The following DHX34 variants were observed in gnomAD, a reference collection of about 807,000 sequenced individuals.
The protein encoded by DHX34 is probable ATP-dependent RNA helicase DHX34.
Under a neutral mutation model 111.1 loss-of-function variants are expected in DHX34, and 96 were observed. That is an observed-to-expected ratio of 0.86 (90% CI 0.73 to 1.02). DHX34 has a LOEUF of 1.02. Ranked by LOEUF, DHX34 falls within the 50% of genes least tolerant of loss-of-function variation. DHX34 has a pLI of 0.00. For missense variants in DHX34, 1,560 were observed against 1,579.9 expected, an observed-to-expected ratio of 0.99 and a Z score of 0.21; for synonymous variants, 688 against 670.4, an observed-to-expected ratio of 1.03 and a Z score of -0.41.
intron 9 of DHX34, among the ~76,000 whole-genome samples, chr19:47,374,481 C>T (rs1476117929): frequency 6.6e-6 from 1 of 151,176 alleles, no homozygotes; most frequent in Non-Finnish European, 1.5e-5. Context: ...TGCGCCCACA[C>T]AGTTCTGCAG....
Position 47,353,770 on chromosome 19 carries a change from G to A in DHX34, c.705+35G>A, listed in dbSNP as rs1452038154. 7 of 1,495,546 alleles carry A rather than the reference G, an allele frequency of 4.7e-6. No homozygotes were observed. Among genetic ancestry groups the A allele is most frequent in the South Asian group, 1.3e-5 (1 of 77,040 alleles). 92.6% of individuals were successfully genotyped at this position (1,495,546 alleles called of 1,614,324 possible). A position where few individuals can be genotyped will look rare whatever the true frequency, so the allele number is the denominator to read the frequency against. On this transcript the variant is annotated intron_variant, in intron 2 of 16. Transcript: ENST00000328771. This position sits in a 1 kb window ranked among gnomAD's most constrained non-coding sequence, Gnocchi z 4.6. ...ACGCACCAGGTTTCCGATTTTTCCA[G>A]CGTGACCTTGGGGGAATAGGTTGCT... is the stretch of plus-strand genomic sequence containing the variant.
At chr19:47,358,169 G>T (rs1319859588) in intron 4 of DHX34, 49 bp downstream of exon 4, 1 of 1,577,166 alleles carries the variant, frequency 6.3e-7, no homozygotes. Flanking sequence ...GCATGAGTCA[G>T]GGGTGGCTGC....
At position 47,355,055 on chromosome 19, in the gene DHX34, G is replaced by T; in HGVS notation, c.722G>T (p.Arg241Leu). Residue 241 changes from arginine (R) to leucine (L), a missense_variant, in exon 3 of 17, where the codon CGC becomes CTC. Transcript: ENST00000328771. ...QYGSQVGYQI[R>L]FESTRSAATK... is the part of the protein sequence containing the mutation. ...CCACCCCAGGTCGGCTACCAGATCCGCTTTGAGAGCACACGTTCGGCGGCC... is the reference window on the plus strand; with the variant it reads ...CCACCCCAGGTCGGCTACCAGATCCTCTTTGAGAGCACACGTTCGGCGGCC... 1 of 1,613,278 alleles carries T rather than the reference G, an allele frequency of 6.2e-7. No individual in the cohort carries two copies. Among genetic ancestry groups the T allele is most frequent in the Non-Finnish European group, 8.5e-7 (1 of 1,179,502 alleles).
At chr19:47,376,720 A>G (rs1970174683) in intron 12 of DHX34, 160 bp downstream of exon 12, 4 of 1,421,540 alleles carry the variant, frequency 2.8e-6, no homozygotes, top group Non-Finnish European at 2.8e-6. Flanking sequence ...CTCCCTGGGT[A>G]GCCTTGGGTG....
intron 6 of DHX34, among the ~76,000 whole-genome samples, chr19:47,364,878 C>T (rs575407071): frequency 6.6e-6 from 1 of 152,312 alleles, no homozygotes; most frequent in South Asian, 2.1e-4. Context: ...GGCCACCAGG[C>T]GTCAGAGCCT....
intron 11 of DHX34, 44 bp from the exon 12 acceptor site, chr19:47,376,399 G>A (rs1320437283): frequency 6.3e-7 from 1 of 1,586,134 alleles, no homozygotes; most frequent in Non-Finnish European, 8.6e-7. Context: ...GGGCAGAGGA[G>A]AGAGCAGATA....
rs766216329 is a variant in DHX34 at position 47,380,893 on chromosome 19, C to T, written c.3060C>T (p.Thr1020=). ...TGGGACCCCAGACCATCCCAGCCAC[C>T]CCCCATCTTCCTGGCCTCTTTGGCA... ...MYVGPQTIPA[T]PHLPGLFGSS... is the part of the protein sequence containing the mutation. Residue 1020 remains threonine (T), a synonymous_variant, in exon 15 of 17, where the codon ACC becomes ACT. Coordinates refer to ENST00000328771, the MANE Select transcript of DHX34 (RefSeq NM_014681.6). 3 of 1,613,578 alleles carry T rather than the reference C, an allele frequency of 1.9e-6. No individual in the cohort carries two copies. In the Admixed American group the frequency reaches 5.0e-5, roughly 27 times the overall value.
intron 11 of DHX34, 142 bp from the exon 12 acceptor site, chr19:47,376,301 C>T: frequency 6.6e-7 from 1 of 1,504,020 alleles, no homozygotes; most frequent in Non-Finnish European, 8.9e-7. Context: ...TAGGAGCCCA[C>T]AGGGGGCATC....
intron 3 of DHX34, among the ~76,000 whole-genome samples, chr19:47,355,906 C>G (rs779869985): frequency 7.9e-5 from 12 of 151,760 alleles, no homozygotes; most frequent in Non-Finnish European, 1.8e-4. Flanking sequence ...GTTTATTTCT[C>G]TCATATAACA....
rs773212779 is a variant in DHX34 at position 47,375,920 on chromosome 19, C to T, written c.2308-4C>T. 1.9e-6 allele frequency: 3 copies of T among 1,601,054 alleles called. No individual in the cohort carries two copies. Among genetic ancestry groups the T allele is most frequent in the African/African-American group, 1.4e-5 (1 of 74,068 alleles). On this transcript the variant is annotated splice_region_variant and splice_polypyrimidine_tract_variant and intron_variant, in intron 10 of 16. Transcript: ENST00000328771. The stretch of plus-strand genomic sequence containing the variant: ...AAGACTCTGCCTCCCCGTGCTCCCC[C>T]CAGGATGTGAAGTTCAAGCTTCGGC...
intron 8 of DHX34, 80 bp from the exon 9 acceptor site, chr19:47,373,519 G>T: frequency 6.5e-7 from 1 of 1,532,190 alleles, no homozygotes; most frequent in East Asian, 2.4e-5. Flanking sequence ...TGCCCATTTT[G>T]GGGCTCTGGG....
At chr19:47,369,380 G>T (rs1356433569) in intron 7 of DHX34, among the ~76,000 whole-genome samples, 1 of 152,160 alleles carries the variant, frequency 6.6e-6, no homozygotes, top group African/African-American at 2.4e-5. Flanking sequence ...GACTTTAAGT[G>T]ATCTGCCCAC....
At chr19:47,379,620 G>A (rs1970285369) in intron 13 of DHX34, 90 bp from the exon 14 acceptor site, 1 of 1,508,076 alleles carries the variant, frequency 6.6e-7, no homozygotes, top group Non-Finnish European at 8.9e-7. Flanking sequence ...AGGGCTGGTG[G>A]GTGGGCAGGA....
At chr19:47,352,485 G>C (rs1287977031) in intron 1 of DHX34, among the ~76,000 whole-genome samples, 1 of 152,094 alleles carries the variant, frequency 6.6e-6, no homozygotes, top group Non-Finnish European at 1.5e-5. Flanking sequence ...ATATCAACCT[G>C]GGCAACATAG....
At chr19:47,381,631 T>G (rs1970362057) in intron 16 of DHX34, 2 of 579,502 alleles carry the variant, frequency 3.5e-6, no homozygotes, top group African/African-American at 3.7e-5. Context: ...CAGCTATCTC[T>G]GCCTTGGTCA....
At chr19:47,375,738 G>C in intron 10 of DHX34, 30 bp downstream of exon 10, 1 of 1,558,596 alleles carries the variant, frequency 6.4e-7, no homozygotes, top group Non-Finnish European at 8.6e-7. Context: ...GGGTGTGGGG[G>C]TTTACCAAGG....
intron 7 of DHX34, among the ~76,000 whole-genome samples, chr19:47,371,536 G>A (rs551673141): frequency 1.3e-5 from 2 of 152,312 alleles, no homozygotes; most frequent in East Asian, 3.9e-4. Flanking sequence ...TAGGACAGGG[G>A]CCTGCACAGT....
intron 7 of DHX34, among the ~76,000 whole-genome samples, chr19:47,368,920 G>T (rs576728553): frequency 6.6e-6 from 1 of 152,042 alleles, no homozygotes; most frequent in African/African-American, 2.4e-5. Context: ...TTTTTGCTCT[G>T]TTGCCTAGGC....
intron 7 of DHX34, among the ~76,000 whole-genome samples, chr19:47,369,628 C>T (rs373823970): frequency 6.6e-6 from 1 of 152,112 alleles, no homozygotes; most frequent in Non-Finnish European, 1.5e-5. Flanking sequence ...CAGGTGGATG[C>T]AGGGCACGGT....
Sources: allele counts gnomAD v4.1 joint callset (sites outside exome capture counted in the v4.1 genomes callset), GRCh38; gene constraint gnomAD v4.1.1; non-coding constraint Gnocchi (gnomAD v3.1); transcripts MANE v1.5; gene names NCBI Gene and HGNC (gene_info 2026-07-23, HGNC 2026-07-21).